The following AIRIM variants were observed in gnomAD, a reference collection of about 807,000 sequenced individuals.
AIRIM encodes AFG2-interacting ribosome maturation factor.
chr1:37,689,841 G>C, the AIRIM span: 1 of 1,596,472 alleles, frequency 6.3e-7, no homozygotes, highest in East Asian at 2.2e-5. Flanking sequence ...CACTTCTTCA[G>C]CGCCTCCTGC....
the AIRIM span, chr1:37,690,624 C>T: frequency 4.0e-5 from 17 of 428,718 alleles, no homozygotes; most frequent in African/African-American, 3.2e-4. Context: ...CTTCTGGGTA[C>T]TGTAGTCCAA....
At chr1:37,690,652 C>G in the AIRIM span, 3 of 250,294 alleles carry the variant, frequency 1.2e-5, no homozygotes, top group East Asian at 1.5e-4. Flanking sequence ...ACTGGCCACT[C>G]GGCTTGAAGC....
At chr1:37,686,658 A>C in the AIRIM span, among the ~76,000 whole-genome samples, 9 of 152,218 alleles carry the variant, frequency 5.9e-5, no homozygotes, top group Non-Finnish European at 1.0e-4. Flanking sequence ...ATAAGCCATA[A>C]CAACCAATAA....
chr1:37,686,520 G>A, the AIRIM span: 37 of 1,474,244 alleles, frequency 2.5e-5, no homozygotes, highest in Middle Eastern at 2.4e-4. Context: ...CTCAATTTTG[G>A]CACTACTGAT....
At chr1:37,683,443 TG>T in the AIRIM span, 5 of 1,613,184 alleles carry the variant, frequency 3.1e-6, no homozygotes, top group South Asian at 2.2e-5. Flanking sequence ...GGTACCTTTC[TG>T]GAAGTTAAGG....
chr1:37,683,230 C>A, the AIRIM span: 1 of 1,606,380 alleles, frequency 6.2e-7, no homozygotes. Flanking sequence ...AGAGGCACAG[C>A]AAGGGCACCT....
the AIRIM span, chr1:37,690,482 G>C: frequency 3.5e-5 from 44 of 1,247,006 alleles, no homozygotes; most frequent in Non-Finnish European, 4.3e-5. Flanking sequence ...GCCAAAGCGT[G>C]AGAACCCTCC....
the AIRIM span, chr1:37,690,527 C>T: frequency 8.5e-7 from 1 of 1,171,346 alleles, no homozygotes; most frequent in Non-Finnish European, 1.1e-6. Context: ...TCTCTCTGCG[C>T]ATGCTCACAC....
the AIRIM span, among the ~76,000 whole-genome samples, chr1:37,687,064 G>A: frequency 2.5e-5 from 1 of 39,406 alleles, no homozygotes; most frequent in Non-Finnish European, 5.2e-5. Context: ...TCAAAAGTGT[G>A]TGTGTGTGTG....
chr1:37,683,962 T>C, the AIRIM span: 1 of 156,514 alleles, frequency 6.4e-6, no homozygotes, highest in African/African-American at 2.4e-5. Flanking sequence ...GGCTCTGAAC[T>C]TTATCCCATT....
At chr1:37,690,073 G>C in the AIRIM span, 8 of 1,401,650 alleles carry the variant, frequency 5.7e-6, no homozygotes, top group East Asian at 5.2e-5. Context: ...CTGGAGTGCA[G>C]TGGCGCTATC....
chr1:37,683,202 C>T, the AIRIM span: 4 of 1,603,552 alleles, frequency 2.5e-6, no homozygotes, highest in South Asian at 2.2e-5. Flanking sequence ...TCACCTCTCC[C>T]GAGAACATAA....
chr1:37,689,618 A>C, the AIRIM span: 1 of 1,606,004 alleles, frequency 6.2e-7, no homozygotes, highest in Non-Finnish European at 8.5e-7. Context: ...CCTTTCCCCT[A>C]GCTTGTCCAG....
the AIRIM span, chr1:37,689,637 C>T: frequency 6.2e-7 from 1 of 1,612,136 alleles, no homozygotes; most frequent in African/African-American, 1.3e-5. Flanking sequence ...AGGACGATGT[C>T]ACCAGCCACC....
At chr1:37,683,317 A>T in the AIRIM span, 1 of 1,614,168 alleles carries the variant, frequency 6.2e-7, no homozygotes, top group Non-Finnish European at 8.5e-7. Context: ...ACAAACCAGT[A>T]CCTTGTACAA....
At chr1:37,689,859 G>A in the AIRIM span, 3 of 1,575,512 alleles carry the variant, frequency 1.9e-6, no homozygotes, top group South Asian at 3.4e-5. Flanking sequence ...TGCACGGCAA[G>A]CAGAGGCCGG....
chr1:37,685,189 T>C, the AIRIM span, among the ~76,000 whole-genome samples: 18 of 53,252 alleles, frequency 3.4e-4, no homozygotes, highest in African/African-American at 1.6e-3. Flanking sequence ...GAATGCTTTT[T>C]TTTGGGGGGG....
chr1:37,682,452 G>A, the AIRIM span: 37,628 of 152,316 alleles, frequency 0.25, 4,792 homozygotes, highest in Middle Eastern at 0.3. Flanking sequence ...AAAAACTCCT[G>A]TCATTTTAGG....
chr1:37,684,430 C>T, the AIRIM span, among the ~76,000 whole-genome samples: 115 of 152,198 alleles, frequency 7.6e-4, 2 homozygotes, highest in East Asian at 0.022. Flanking sequence ...ATCAGCCTAG[C>T]CAACATGGTG....
Sources: gnomAD v4.1 joint callset for allele counts (sites outside exome capture counted in the v4.1 genomes callset) on GRCh38, gnomAD v4.1.1 for gene constraint, MANE v1.5 for transcripts, NCBI Gene and HGNC (gene_info 2026-07-23, HGNC 2026-07-21) for gene names.